The following CCDC178 variants were observed in gnomAD, a reference collection of about 807,000 sequenced individuals.
The protein encoded by CCDC178 is coiled-coil domain-containing protein 178.
In CCDC178, 126 loss-of-function variants were observed where a neutral mutation model predicts 117.4. The ratio of observed to expected loss-of-function variants is 1.07; its 90% CI spans 0.93 to 1.24. CCDC178 has a LOEUF of 1.24. CCDC178 is among the 50% of genes most tolerant of loss of function. The pLI, the probability that CCDC178 is intolerant of heterozygous loss-of-function variation, is 0.00. For missense variants in CCDC178, 1,030 were observed against 986.9 expected (o/e 1.04, Z -0.59); for synonymous variants, 283 against 313.4 (o/e 0.90, Z 1.02).
At chr18:33,337,852 AAG>A (rs1241725513) in intron 9 of CCDC178, among the ~76,000 whole-genome samples, 2 of 152,192 alleles carry the variant, frequency 1.3e-5, no homozygotes, top group Admixed American at 1.3e-4. Context: ...GCCTTAGGCA[AAG>A]ACTTCATGAC....
chr18:33,143,254 A>G (rs950849285), intron 20 of CCDC178, among the ~76,000 whole-genome samples: 1 of 152,168 alleles, frequency 6.6e-6, no homozygotes, highest in Non-Finnish European at 1.5e-5. Flanking sequence ...AGAGTTTGAG[A>G]CCATCACACT....
chr18:32,976,310 A>G (rs1035846171), intron 21 of CCDC178, among the ~76,000 whole-genome samples: 1 of 152,074 alleles, frequency 6.6e-6, no homozygotes, highest in African/African-American at 2.4e-5. Flanking sequence ...AAGACATTTG[A>G]AAAGTTTAGT....
chr18:33,359,916 GT>G (rs1383017194), intron 6 of CCDC178, among the ~76,000 whole-genome samples: 2 of 150,802 alleles, frequency 1.3e-5, no homozygotes, highest in African/African-American at 4.9e-5. Flanking sequence ...CATTGACCTT[GT>G]TTATTTAAGT....
At chr18:33,153,028 A>AG (rs1288468848) in intron 20 of CCDC178, among the ~76,000 whole-genome samples, 2 of 150,396 alleles carry the variant, frequency 1.3e-5, no homozygotes, top group African/African-American at 4.9e-5. Flanking sequence ...TGAAAAAAAA[A>AG]ACAGGCAAAG....
intron 21 of CCDC178, among the ~76,000 whole-genome samples, chr18:32,993,925 T>C (rs1440234927): frequency 1.3e-5 from 2 of 152,172 alleles, no homozygotes; most frequent in African/African-American, 2.4e-5. Flanking sequence ...TTAGCTATTA[T>C]GCCTATTGAA....
At chr18:33,404,644 A>G (rs1353109994) in intron 3 of CCDC178, among the ~76,000 whole-genome samples, 1 of 152,118 alleles carries the variant, frequency 6.6e-6, no homozygotes, top group Non-Finnish European at 1.5e-5. Flanking sequence ...ATGTTTGCAT[A>G]AAAACTTGTA....
chr18:33,237,353 C>G (rs1599036348), intron 15 of CCDC178, among the ~76,000 whole-genome samples: 1 of 152,134 alleles, frequency 6.6e-6, no homozygotes, highest in East Asian at 1.9e-4. Context: ...ACCAGCCAAA[C>G]TAGTGCATGT....
At chr18:33,326,844 G>A (rs1208577484) in intron 10 of CCDC178, among the ~76,000 whole-genome samples, 2 of 151,394 alleles carry the variant, frequency 1.3e-5, no homozygotes, top group African/African-American at 2.4e-5. Flanking sequence ...CCAGGTATTG[G>A]GTTGTGCACT....
chr18:33,344,854 CATAT>C (rs1196214409), intron 9 of CCDC178, among the ~76,000 whole-genome samples: 1 of 100,764 alleles, frequency 9.9e-6, no homozygotes, highest in South Asian at 3.2e-4. Flanking sequence ...CACACACACA[CATAT>C]ATTTATAAAT....
chr18:33,298,505 C>A (rs564215228), intron 11 of CCDC178, among the ~76,000 whole-genome samples: 1 of 152,180 alleles, frequency 6.6e-6, no homozygotes, highest in African/African-American at 2.4e-5. Flanking sequence ...CCATATATGA[C>A]AAAACCATAG....
intron 3 of CCDC178, among the ~76,000 whole-genome samples, chr18:33,410,833 T>C (rs542264002): frequency 6.6e-6 from 1 of 152,326 alleles, no homozygotes; most frequent in South Asian, 2.1e-4. Context: ...GCACCAGTTC[T>C]GCGCATTGGC....
chr18:33,221,518 A>G (rs2059234367), intron 18 of CCDC178, among the ~76,000 whole-genome samples: 1 of 152,122 alleles, frequency 6.6e-6, no homozygotes, highest in Non-Finnish European at 1.5e-5. Context: ...GGTATGTATA[A>G]GGAGCGTCCC....
chr18:33,067,957 ACT>A (rs1179232775), intron 21 of CCDC178, among the ~76,000 whole-genome samples: 2 of 152,130 alleles, frequency 1.3e-5, no homozygotes, highest in Non-Finnish European at 2.9e-5. Context: ...AAGAGTGAAG[ACT>A]CAAATTAATA....
At chr18:33,427,784 A>G (rs1272783293) in intron 2 of CCDC178, among the ~76,000 whole-genome samples, 1 of 152,158 alleles carries the variant, frequency 6.6e-6, no homozygotes. Context: ...TGAGCCTTTC[A>G]CCTTCTGGTA....
chr18:33,074,872 A>G (rs1341586473), intron 21 of CCDC178, among the ~76,000 whole-genome samples: 1 of 152,232 alleles, frequency 6.6e-6, no homozygotes, highest in Non-Finnish European at 1.5e-5. Context: ...AAAGTGCTCC[A>G]GTAAACATGG....
At chr18:33,046,761 G>A (rs774783533) in intron 21 of CCDC178, among the ~76,000 whole-genome samples, 1 of 152,106 alleles carries the variant, frequency 6.6e-6, no homozygotes, top group Non-Finnish European at 1.5e-5. Flanking sequence ...GCAGGGGAGC[G>A]AGTCAGATGA....
Position 33,293,293 on chromosome 18 carries a change from T to C in CCDC178, c.1042A>G (p.Asn348Asp). 1 of 1,505,936 alleles carries C rather than the reference T, an allele frequency of 6.6e-7. No individual in the cohort carries two copies. The highest frequency in any genetic ancestry group is 1.2e-5 in the South Asian group (1 of 83,516). 93.3% of individuals were successfully genotyped at this position (1,505,936 alleles called of 1,614,324 possible). Residue 348 changes from asparagine to aspartate, a missense_variant, in exon 12 of 23, where the codon AAC (asparagine) becomes GAC (aspartate). Physicochemically the swap from Asn to Asp is conservative, Grantham distance 23. Transcript: ENST00000383096. ...EAYKREIYQL[N>D]SLFDHYSSSV... ...GAAGAGTAATGATCAAATAGACTGTTAAGTTGATATATCTCTCTCCTAGGG... is the reference window on the plus strand; with the variant it reads ...GAAGAGTAATGATCAAATAGACTGTCAAGTTGATATATCTCTCTCCTAGGG...
At chr18:33,198,760 G>A (rs925997949) in intron 20 of CCDC178, among the ~76,000 whole-genome samples, 8 of 152,180 alleles carry the variant, frequency 5.3e-5, no homozygotes, top group African/African-American at 9.6e-5. Context: ...CCAGTAACTC[G>A]CTTTCTCTCC....
At chr18:33,231,569 CT>C (rs2059368611) in intron 15 of CCDC178, among the ~76,000 whole-genome samples, 1 of 152,152 alleles carries the variant, frequency 6.6e-6, no homozygotes, top group South Asian at 2.1e-4. Context: ...GAGCAGTTTC[CT>C]TTTGCAGTTT....
Sources: gnomAD v4.1 joint callset for allele counts (sites outside exome capture counted in the v4.1 genomes callset) on GRCh38, gnomAD v4.1.1 for gene constraint, MANE v1.5 for transcripts, NCBI Gene and HGNC (gene_info 2026-07-23, HGNC 2026-07-21) for gene names.